The following RO60 variants were observed in gnomAD, a reference collection of about 807,000 sequenced individuals.
RO60 encodes Ro60, Y RNA binding protein.
Under a neutral mutation model 55.3 loss-of-function variants are expected in RO60, and 20 were observed. That is an observed-to-expected ratio of 0.36 (90% confidence interval 0.25 to 0.53). The LOEUF (loss-of-function observed/expected upper bound fraction) is 0.53. RO60 is among the 20% of genes least tolerant of loss of function. RO60 has a pLI of 0.92. For missense variants in RO60, 558 were observed against 646.6 expected (o/e 0.86, Z 1.49); for synonymous variants, 213 against 213.6 (o/e 1.00, Z 0.02).
intron 1 of RO60, among the ~76,000 whole-genome samples, chr1:193,065,485 A>G (rs1479218718): frequency 1.3e-5 from 2 of 152,232 alleles, no homozygotes; most frequent in Non-Finnish European, 2.9e-5. Context: ...GCAGAAGTAG[A>G]CAGGTTGAAG....
chr1:193,082,227 T>A lies in RO60; in HGVS notation c.1245T>A (p.Phe415Leu). Residue 415 changes from phenylalanine to leucine, a missense_variant, in exon 7 of 9, where the codon TTT (phenylalanine) becomes TTA (leucine). By Grantham distance (22) the Phe-to-Leu change is conservative. Transcript: ENST00000400968. ...AAAAAGATTCTTATGTAGTTGCTTT[T>A]TCCGATGAAATGGTACCATGTCCAG... is the stretch of plus-strand genomic sequence containing the variant. The part of the protein sequence containing the change: ...RTEKDSYVVA[F>L]SDEMVPCPVT... 6.2e-7 allele frequency: 1 copy of A among 1,613,472 alleles called. No individual in the cohort carries two copies. Among genetic ancestry groups the A allele is most frequent in the South Asian group, 1.1e-5 (1 of 90,962 alleles).
intron 2 of RO60, among the ~76,000 whole-genome samples, chr1:193,072,604 A>T (rs906360830): frequency 2.0e-5 from 3 of 152,152 alleles, no homozygotes; most frequent in African/African-American, 7.2e-5. Context: ...CTTGGTTAAG[A>T]AACATTATTT....
rs1376534765 is a variant in RO60, at chr1:193,087,364, C to CT, written c.*2636dup. The CT allele has an allele frequency of 6.6e-6, 1 of 152,082 alleles. No homozygotes were observed. The highest frequency in any genetic ancestry group is 1.5e-5 in the Non-Finnish European group (1 of 67,986). 9.4% of individuals were successfully genotyped at this position (152,082 alleles called of 1,614,324 possible). On this transcript the variant is annotated 3_prime_UTR_variant, in exon 9 of 9. Transcript: ENST00000400968. Reference sequence around the variant, plus strand: ...AAACAATCCTGCAAGAATAAACAAACTTTATTTCCTAGGTAGTATGTAAAT... The same window carrying CT: ...AAACAATCCTGCAAGAATAAACAAACTTTTATTTCCTAGGTAGTATGTAAAT...
chr1:193,075,518 A>G (rs1442758369), intron 2 of RO60, among the ~76,000 whole-genome samples: 1 of 151,926 alleles, frequency 6.6e-6, no homozygotes, highest in Non-Finnish European at 1.5e-5. Context: ...GAGATTATGG[A>G]CCTGAAACTT....
Position 193,069,669 on chromosome 1 carries a change from G to T in RO60, c.580+35G>T, listed in dbSNP as rs1350413403. Reference sequence around the variant, plus strand: ...AGATCTTCATTGGGAAGAAGGGTGGGTAAGGGATATTCAATAAATAGCAAA... The same window carrying T: ...AGATCTTCATTGGGAAGAAGGGTGGTTAAGGGATATTCAATAAATAGCAAA... On this transcript the variant is annotated intron_variant, in intron 2 of 8. Coordinates refer to ENST00000400968, the MANE Select transcript of RO60 (RefSeq NM_001173524.2). 7 of 1,523,652 alleles carry T rather than the reference G, an allele frequency of 4.6e-6. No homozygotes were observed. In the East Asian group the frequency reaches 1.6e-4, roughly 35 times the overall value. The allele number at this position is 1,523,652 out of a possible 1,614,324, so 94.4% of individuals were successfully genotyped here.
At chr1:193,076,192 C>T in intron 3 of RO60, 152 bp downstream of exon 3, 1 of 552,132 alleles carries the variant, frequency 1.8e-6, no homozygotes, top group Non-Finnish European at 3.0e-6. Context: ...AAAACACCTA[C>T]CATGATGTCC....
Position 193,068,972 on chromosome 1 carries a change from G to A in RO60, c.-21-62G>A, listed in dbSNP as rs143723831. Reference sequence around the variant, plus strand: ...TAACATTTCAGTAAACCTACATTTTGTTTTCCTTTTGTAATTTTATTGTGC... The same window carrying A: ...TAACATTTCAGTAAACCTACATTTTATTTTCCTTTTGTAATTTTATTGTGC... On this transcript the variant is annotated intron_variant, in intron 1 of 8. Coordinates refer to ENST00000400968, the MANE Select transcript of RO60 (RefSeq NM_001173524.2). 1.8e-5 allele frequency: 20 copies of A among 1,085,854 alleles called. No individual in the cohort carries two copies. In the East Asian group the frequency reaches 4.8e-4, roughly 26 times the overall value. The allele number at this position is 1,085,854 out of a possible 1,614,324, so 67.3% of individuals were successfully genotyped here.
Position 193,088,856 on chromosome 1 carries a change from T to C in RO60, c.*4125T>C, listed in dbSNP as rs546114918. The C allele has an allele frequency of 6.6e-6, 1 of 152,346 alleles. No individual in the cohort carries two copies. The highest frequency in any genetic ancestry group is 2.4e-5 in the African/African-American group (1 of 41,592). 9.4% of individuals were successfully genotyped at this position (152,346 alleles called of 1,614,324 possible). A position where few individuals can be genotyped will look rare whatever the true frequency, so the allele number is the denominator to read the frequency against. On this transcript the variant is annotated 3_prime_UTR_variant, in exon 9 of 9. Coordinates refer to ENST00000400968, the MANE Select transcript of RO60 (RefSeq NM_001173524.2). The stretch of plus-strand genomic sequence containing the variant: ...TCCTCATCTCTTATTTGTTGGAAGA[T>C]TACTTTTCTACCTCTTTTTTTTCTT...
chr1:193,076,737 A>AT, intron 4 of RO60, 90 bp downstream of exon 4: 1 of 1,404,748 alleles, frequency 7.1e-7, no homozygotes, highest in Non-Finnish European at 9.7e-7. Context: ...TTTTTAAGGT[A>AT]TTTCGAGATG....
chr1:193,084,966 A>AC lies in RO60; in HGVS notation c.*235_*236insC. ...CAGGATACTGTAGTTTCCTCTATCT[A>AC]ATAGAGAACTTTTTGTTAACAGACA... is the stretch of plus-strand genomic sequence containing the variant. On this transcript the variant is annotated 3_prime_UTR_variant, in exon 9 of 9. Transcript: ENST00000400968. 2 of 1,544,870 alleles carry AC rather than the reference A, an allele frequency of 1.3e-6. No individual in the cohort carries two copies. The highest frequency in any genetic ancestry group is 2.4e-5 in the South Asian group (2 of 83,610).
At chr1:193,060,011 G>T (rs1283011063) in intron 1 of RO60, 1 of 1,359,818 alleles carries the variant, frequency 7.4e-7, no homozygotes, top group East Asian at 4.6e-5. Flanking sequence ...CTCAGGGTGG[G>T]CCCTTTCCGA....
intron 2 of RO60, among the ~76,000 whole-genome samples, chr1:193,072,487 A>G (rs1362718514): frequency 7.0e-6 from 1 of 143,446 alleles, no homozygotes; most frequent in Non-Finnish European, 1.5e-5. Context: ...TTTGAATTTT[A>G]ATGTAGTCAA....
downstream of RO60, chr1:193,091,696 C>G (rs376998963): frequency 2.5e-6 from 4 of 1,609,270 alleles, no homozygotes; most frequent in Non-Finnish European, 3.4e-6. Flanking sequence ...ACATGGAGTG[C>G]AGGTGGACAC....
chr1:193,088,783 G>A lies in RO60; in HGVS notation c.*4052G>A, dbSNP rs1473166691. ...AATGACAGGTTAATCAATGAAATTA[G>A]TTGTATTTACTGTTTGGATTTTATT... is the stretch of plus-strand genomic sequence containing the variant. On this transcript the variant is annotated 3_prime_UTR_variant, in exon 9 of 9. Coordinates refer to ENST00000400968, the MANE Select transcript of RO60 (RefSeq NM_001173524.2). The A allele has an allele frequency of 6.6e-6, 1 of 152,164 alleles. No individual in the cohort carries two copies. The highest frequency in any genetic ancestry group is 2.4e-5 in the African/African-American group (1 of 41,448). 9.4% of individuals were successfully genotyped at this position (152,164 alleles called of 1,614,324 possible).
intron 1 of RO60, among the ~76,000 whole-genome samples, chr1:193,063,735 C>T (rs1300365605): frequency 2.0e-5 from 3 of 152,170 alleles, no homozygotes; most frequent in Non-Finnish European, 4.4e-5. Flanking sequence ...CTAAGAATGC[C>T]ATTAATTTGG....
chr1:193,074,312 A>C (rs1673740168), intron 2 of RO60, among the ~76,000 whole-genome samples: 1 of 152,184 alleles, frequency 6.6e-6, no homozygotes, highest in Non-Finnish European at 1.5e-5. Context: ...GAATCGCCAC[A>C]CTGACTTCCA....
At position 193,086,032 on chromosome 1, in the gene RO60, C is replaced by G. The variant is rs937703563; in HGVS notation, c.*1301C>G. The G allele has an allele frequency of 5.1e-6, 5 of 984,786 alleles. No individual in the cohort carries two copies. In the African/African-American group the frequency reaches 8.7e-5, roughly 17 times the overall value. The allele number at this position is 984,786 out of a possible 1,614,324, so 61.0% of individuals were successfully genotyped here. On this transcript the variant is annotated 3_prime_UTR_variant, in exon 9 of 9. Coordinates refer to ENST00000400968, the MANE Select transcript of RO60 (RefSeq NM_001173524.2). Reference sequence around the variant, plus strand: ...TTATGGCCGTCTAAGGTAGCTTACACATAAAACCTGTTTGCGTATCTGTTG... The same window carrying G: ...TTATGGCCGTCTAAGGTAGCTTACAGATAAAACCTGTTTGCGTATCTGTTG...
intron 5 of RO60, among the ~76,000 whole-genome samples, chr1:193,080,800 T>C (rs1674253791): frequency 6.6e-6 from 1 of 152,202 alleles, no homozygotes; most frequent in South Asian, 2.1e-4. Context: ...ATATGAGATA[T>C]CTACAGCAGG....
At chr1:193,082,382 T>G (rs963165608) in intron 7 of RO60, 83 bp downstream of exon 7, 1 of 1,360,346 alleles carries the variant, frequency 7.4e-7, no homozygotes, top group Non-Finnish European at 1.0e-6. Flanking sequence ...ATGTATGGTA[T>G]TAATCTGTGA....
Sources: allele counts gnomAD v4.1 joint callset (sites outside exome capture counted in the v4.1 genomes callset), GRCh38; gene constraint gnomAD v4.1.1; transcripts MANE v1.5; gene names NCBI Gene and HGNC (gene_info 2026-07-23, HGNC 2026-07-21).